COL6A5: variants seen among roughly 807,000 people sequenced by gnomAD.
The protein encoded by COL6A5 is collagen alpha-5(VI) chain.
COL6A5 carries 48 observed loss-of-function variants against 65.6 expected under a neutral mutation model. The ratio of observed to expected loss-of-function variants is 0.73; its 90% confidence interval spans 0.58 to 0.93. The LOEUF is 0.93. COL6A5 is among the 40% of genes least tolerant of loss of function. The pLI is 0.00. For missense variants in COL6A5, 914 were observed against 928.3 expected (o/e 0.98, Z 0.20); for synonymous variants, 291 against 322.8 (o/e 0.90, Z 1.05).
chr3:130,395,349 T>C, exon 8 of COL6A5: 8 of 1,549,678 alleles, frequency 5.2e-6, no homozygotes, highest in Non-Finnish European at 7.0e-6. Context: ...GAACATCTCC[T>C]GCCAATAACA....
intron 5 of COL6A5, 28 bp downstream of exon 37, chr3:130,455,694 A>G (rs1406756254): frequency 2.0e-6 from 3 of 1,526,848 alleles, no homozygotes; most frequent in African/African-American, 1.4e-5. Flanking sequence ...CATGATGGAA[A>G]TGTTTAAATA....
At chr3:130,477,326 C>T in intron 7 of COL6A5, 1 of 396,694 alleles carries the variant, frequency 2.5e-6, no homozygotes, top group Non-Finnish European at 4.5e-6. Flanking sequence ...AAATATAAAT[C>T]CATTATATCA....
intron 17 of COL6A5, among the ~76,000 whole-genome samples, chr3:130,408,333 TGTA>T (rs1937068024): frequency 6.6e-6 from 1 of 151,972 alleles, no homozygotes; most frequent in Admixed American, 6.6e-5. Context: ...GTCTGTCTTA[TGTA>T]GTTGTAGATA....
upstream of COL6A5, among the ~76,000 whole-genome samples, chr3:130,430,569 A>T (rs892434980): frequency 6.6e-6 from 1 of 152,212 alleles, no homozygotes; most frequent in Non-Finnish European, 1.5e-5. Flanking sequence ...GTGAGGTTTG[A>T]TACATAGGGT....
chr3:130,471,568 A>G, intron 7 of COL6A5, 114 bp from the exon 40 acceptor site: 1 of 977,370 alleles, frequency 1.0e-6, no homozygotes, highest in South Asian at 1.7e-5. Context: ...AACTTGGACT[A>G]TTCCAATCAC....
At chr3:130,451,837 A>G (rs1709448927) in intron 4 of COL6A5, among the ~76,000 whole-genome samples, 1 of 152,088 alleles carries the variant, frequency 6.6e-6, no homozygotes, top group African/African-American at 2.4e-5. Context: ...GGATCGTCAG[A>G]TTCAGAAAAT....
At chr3:130,365,037 G>A (rs1935280775) in intron 1 of COL6A5, among the ~76,000 whole-genome samples, 1 of 152,170 alleles carries the variant, frequency 6.6e-6, no homozygotes, top group Non-Finnish European at 1.5e-5. Context: ...CTTCATGGTG[G>A]CAAAACCTGT....
chr3:130,450,976 T>G (rs1452794661), intron 4 of COL6A5, among the ~76,000 whole-genome samples: 1 of 152,100 alleles, frequency 6.6e-6, no homozygotes, highest in African/African-American at 2.4e-5. Flanking sequence ...TATGAAATTG[T>G]AAACGCTGAG....
At position 130,443,470 on chromosome 3, in the gene COL6A5, C is replaced by A. The variant is rs1007576358; in HGVS notation, c.1242-6C>A. On this transcript the variant is annotated splice_polypyrimidine_tract_variant and splice_region_variant and intron_variant, in intron 3 of 7. Coordinates refer to ENST00000512836, the Ensembl canonical transcript of COL6A5. ...AAATCTAACTATAACTTTGTTCTCT[C>A]AATAGGGGGATTCAATCAGTACCCA... 1 of 1,594,036 alleles carries A rather than the reference C, an allele frequency of 6.3e-7. No homozygotes were observed. The highest frequency in any genetic ancestry group is 1.3e-5 in the African/African-American group (1 of 74,570).
chr3:130,362,421 G>T (rs1348073126), intron 1 of COL6A5, among the ~76,000 whole-genome samples: 4 of 148,674 alleles, frequency 2.7e-5, no homozygotes, highest in African/African-American at 1.0e-4. Flanking sequence ...AGCATTTGCT[G>T]CTTTGTCAAA....
intron 3 of COL6A5, among the ~76,000 whole-genome samples, chr3:130,377,853 A>C (rs1935842827): frequency 6.6e-6 from 1 of 152,194 alleles, no homozygotes; most frequent in African/African-American, 2.4e-5. Context: ...AATAAATACT[A>C]ACCTGAGAAG....
At chr3:130,436,003 C>T (rs1265722229) in intron 1 of COL6A5, among the ~76,000 whole-genome samples, 2 of 151,824 alleles carry the variant, frequency 1.3e-5, no homozygotes, top group African/African-American at 2.4e-5. Context: ...TTAGCCTTAC[C>T]GTTTTCTCCT....
At chr3:130,399,059 C>T (rs1936716445) in intron 10 of COL6A5, among the ~76,000 whole-genome samples, 1 of 152,164 alleles carries the variant, frequency 6.6e-6, no homozygotes, top group Admixed American at 6.5e-5. Flanking sequence ...TCAAACTGAG[C>T]CGGAAGCTAA....
rs374301051 is a variant in COL6A5 at position 130,391,534 on chromosome 3, C to T, written c.2772C>T (p.Thr924=). Residue 924 remains threonine, a synonymous_variant and NMD_transcript_variant, in exon 7 of 42, where the codon ACC becomes ACT. Coordinates refer to the COL6A5 transcript ENST00000312481. ...TGAAGCAGATGCTGATTGTCATCAC[C>T]GATGGGGAATCCCATGACCATGATC... 289 of 1,551,652 alleles carry T rather than the reference C, an allele frequency of 1.9e-4. 2 individuals are homozygous for T. The South Asian group carries it at 2.5e-3, about 14-fold the overall frequency.
chr3:130,412,014 A>G (rs1045028182), intron 20 of COL6A5, among the ~76,000 whole-genome samples: 1 of 152,170 alleles, frequency 6.6e-6, no homozygotes, highest in African/African-American at 2.4e-5. Flanking sequence ...ACAACGTAAG[A>G]CAATCCAAGA....
Position 130,372,084 on chromosome 3 carries a change from A to G in COL6A5, c.-28-1527A>G, listed in dbSNP as rs1283860445. ...AAATGGCCATTAAGTACCTGAAAAGATAACATCATTCATCATTAGGGCAAT... is the reference window on the plus strand; with the variant it reads ...AAATGGCCATTAAGTACCTGAAAAGGTAACATCATTCATCATTAGGGCAAT... On this transcript the variant is annotated intron_variant and NMD_transcript_variant, in intron 1 of 41. Transcript: ENST00000312481. 2.0e-5 allele frequency among the ~76,000 whole-genome samples: 3 copies of G among 152,202 alleles called. No individual in the cohort carries two copies. The East Asian group carries it at 5.8e-4, about 29-fold the overall frequency.
At chr3:130,484,266 C>T (rs1378062290) in exon 8 of COL6A5, 1 of 532,798 alleles carries the variant, frequency 1.9e-6, no homozygotes, top group African/African-American at 1.9e-5. Flanking sequence ...CCTGACAAAC[C>T]AGGAATGATT....
At chr3:130,451,215 T>A (rs1184246689) in intron 4 of COL6A5, among the ~76,000 whole-genome samples, 1 of 152,176 alleles carries the variant, frequency 6.6e-6, no homozygotes, top group Non-Finnish European at 1.5e-5. Flanking sequence ...ATGCGTCTAA[T>A]CCACTTGTTT....
rs1245761892 is a variant in COL6A5, at chr3:130,391,331, A to G, written c.2569A>G (p.Lys857Glu). 5.0e-5 allele frequency: 77 copies of G among 1,551,574 alleles called. No individual in the cohort carries two copies. The highest frequency in any genetic ancestry group is 6.1e-5 in the Non-Finnish European group (70 of 1,146,968). Residue 857 changes from lysine (K) to glutamate (E), a missense_variant and NMD_transcript_variant, in exon 7 of 42, where the codon AAA becomes GAA. By Grantham distance (56) the Lys-to-Glu change is moderately conservative. Transcript: ENST00000312481. ...GGACCGAGTTCAGTTTGGAGCCCTC[A>G]AATACTCTGACCAACCTAACATCCT...
Sources: gnomAD v4.1 joint callset for allele counts (sites outside exome capture counted in the v4.1 genomes callset) on GRCh38, gnomAD v4.1.1 for gene constraint, MANE v1.5 for transcripts, NCBI Gene and HGNC (gene_info 2026-07-23, HGNC 2026-07-21) for gene names.